The following ANXA8 variants were observed in gnomAD, a reference collection of about 807,000 sequenced individuals.
ANXA8 encodes the protein VAC-beta.
Under a neutral mutation model 26.8 loss-of-function variants are expected in ANXA8, and 9 were observed. The observed-to-expected ratio is 0.34, with a 90% CI of 0.20 to 0.59. ANXA8 has a LOEUF of 0.59. ANXA8 is among the 20% of genes least tolerant of loss of function. ANXA8 has a pLI of 0.84. For synonymous variants in ANXA8, 39 were observed against 94.8 expected (o/e 0.41, Z 3.42); for missense variants, 83 against 238.5 (o/e 0.35, Z 4.29).
At chr10:47,653,514 G>A in the ANXA8 span, among the ~76,000 whole-genome samples, 1 of 151,796 alleles carries the variant, frequency 6.6e-6, no homozygotes, top group Non-Finnish European at 1.5e-5. Flanking sequence ...AGTAGTTCTG[G>A]AAGAGACTTA....
At chr10:47,942,779 T>C in the ANXA8 span, among the ~76,000 whole-genome samples, 20 of 145,142 alleles carry the variant, frequency 1.4e-4, 1 homozygote, top group South Asian at 4.1e-3. Flanking sequence ...CCAGGTGTTA[T>C]CGCTGTCGCT....
chr10:47,710,173 A>C, the ANXA8 span: 1 of 975,068 alleles, frequency 1.0e-6, no homozygotes, highest in East Asian at 2.5e-5. Context: ...TGTCAAGAAA[A>C]ATGTAATGTT....
chr10:47,605,727 T>A, the ANXA8 span, among the ~76,000 whole-genome samples: 1 of 150,468 alleles, frequency 6.6e-6, no homozygotes, highest in African/African-American at 2.5e-5. Flanking sequence ...ATAGACAAAT[T>A]TCCAGCCAGA....
chr10:47,987,023 GC>G, the ANXA8 span: 1 of 544,484 alleles, frequency 1.8e-6, no homozygotes, highest in Non-Finnish European at 3.6e-6. Context: ...GGGGAAAGGG[GC>G]CGTCCGGGGA....
chr10:47,733,213 C>CTTTCTTTCTTTCTT, the ANXA8 span, among the ~76,000 whole-genome samples: 31 of 68,486 alleles, frequency 4.5e-4, no homozygotes, highest in Middle Eastern at 6.8e-3. Context: ...TTCTTTCTTT[C>CTTTCTTTCTTTCTT]TTTCTTTCTC....
the ANXA8 span, chr10:47,502,461 T>G: frequency 1.2e-5 from 19 of 1,612,696 alleles, no homozygotes; most frequent in Non-Finnish European, 1.5e-5. Context: ...TCGTGGACTT[T>G]ATTGAGGGTT....
the ANXA8 span, chr10:47,696,547 T>C: frequency 7.7e-7 from 1 of 1,302,142 alleles, no homozygotes; most frequent in South Asian, 1.5e-5. Flanking sequence ...GTATTAGTGT[T>C]TAAAGTATAA....
At chr10:47,490,564 A>T in the ANXA8 span, among the ~76,000 whole-genome samples, 1 of 151,864 alleles carries the variant, frequency 6.6e-6, no homozygotes, top group African/African-American at 2.4e-5. Flanking sequence ...TGAGAAACAT[A>T]TGGCTACTTG....
At chr10:47,483,482 T>C (rs879898618) in intron 1 of ANXA8, among the ~76,000 whole-genome samples, 3,057 of 115,254 alleles carry the variant, frequency 0.027, 97 homozygotes, top group Middle Eastern at 0.14. Flanking sequence ...CCAAGCTCCC[T>C]GCCCTCTGAC....
chr10:47,657,846 CA>C, the ANXA8 span, among the ~76,000 whole-genome samples: 1 of 150,786 alleles, frequency 6.6e-6, no homozygotes, highest in Non-Finnish European at 1.5e-5. Flanking sequence ...ACATAATAAG[CA>C]AAACCTGCCT....
At chr10:47,742,990 TAA>T in the ANXA8 span, among the ~76,000 whole-genome samples, 114 of 91,490 alleles carry the variant, frequency 1.2e-3, no homozygotes, top group East Asian at 4.4e-3. Flanking sequence ...CCGTCTCTAC[TAA>T]AAAAAAAAAA....
chr10:47,552,175 TTAC>T, the ANXA8 span, among the ~76,000 whole-genome samples: 2 of 151,956 alleles, frequency 1.3e-5, no homozygotes, highest in Non-Finnish European at 2.9e-5. Context: ...TATGGTTAAG[TTAC>T]TTTTTATTCA....
chr10:47,694,985 T>C, the ANXA8 span, among the ~76,000 whole-genome samples: 1 of 151,812 alleles, frequency 6.6e-6, no homozygotes, highest in East Asian at 1.9e-4. Flanking sequence ...CAGGGCGGGC[T>C]ACCCATCCCC....
chr10:47,560,916 T>G, the ANXA8 span, among the ~76,000 whole-genome samples: 5 of 151,686 alleles, frequency 3.3e-5, no homozygotes, highest in African/African-American at 1.2e-4. Flanking sequence ...GCTCAAGCGA[T>G]TCTCCTGCCC....
the ANXA8 span, among the ~76,000 whole-genome samples, chr10:47,709,568 A>T: frequency 3.4e-5 from 5 of 148,346 alleles, no homozygotes; most frequent in African/African-American, 1.3e-4. Context: ...GAAGAATTAA[A>T]TAACCAATCC....
upstream of ANXA8, among the ~76,000 whole-genome samples, chr10:47,485,201 T>C (rs1840012577): frequency 6.6e-6 from 1 of 152,144 alleles, no homozygotes; most frequent in African/African-American, 2.4e-5. Context: ...AGCGATTTGG[T>C]TAACATTTTA....
upstream of ANXA8, among the ~76,000 whole-genome samples, chr10:47,485,613 T>C (rs1293727255): frequency 1.5e-4 from 23 of 152,090 alleles, 1 homozygote; most frequent in Admixed American, 1.2e-3. Context: ...TAAGAACAAA[T>C]AGCTTCCAGC....
the ANXA8 span, among the ~76,000 whole-genome samples, chr10:47,939,319 A>AG: frequency 1.4e-5 from 2 of 140,042 alleles, no homozygotes; most frequent in Non-Finnish European, 3.0e-5. Flanking sequence ...AAAAAAAAAA[A>AG]AAAAGCACAA....
At chr10:47,552,156 G>T in the ANXA8 span, among the ~76,000 whole-genome samples, 11 of 151,750 alleles carry the variant, frequency 7.2e-5, no homozygotes, top group Admixed American at 7.2e-4. Context: ...CTCTGCTAAG[G>T]TTACATTCTA....
Sources: gnomAD v4.1 joint callset for allele counts (sites outside exome capture counted in the v4.1 genomes callset) on GRCh38, gnomAD v4.1.1 for gene constraint, MANE v1.5 for transcripts, NCBI Gene and HGNC (gene_info 2026-07-23, HGNC 2026-07-21) for gene names.